NFATC3: variants seen among roughly 807,000 people sequenced by gnomAD.
NFATC3 encodes the protein nuclear factor of activated T-cells, cytoplasmic 3.
A neutral mutation model predicts 98.6 loss-of-function variants in NFATC3; 46 were observed. That is an observed-to-expected ratio of 0.47 (90% CI 0.37 to 0.60). The LOEUF (loss-of-function observed/expected upper bound fraction) is 0.60, where lower values mean the gene tolerates loss of function less well. Ranked by LOEUF, NFATC3 falls within the 20% of genes least tolerant of loss-of-function variation. The pLI is 0.00. For missense variants in NFATC3, 1,256 were observed against 1,295.5 expected (o/e 0.97, Z 0.47); for synonymous variants, 512 against 472.2 (o/e 1.08, Z -1.09).
intron 1 of NFATC3, among the ~76,000 whole-genome samples, chr16:68,111,122 TTC>T (rs1324090699): frequency 6.6e-6 from 1 of 152,224 alleles, no homozygotes; most frequent in African/African-American, 2.4e-5. Flanking sequence ...AGAATGTATA[TTC>T]TGTTTTTGGG....
chr16:68,087,232 A>T (rs2034432665), intron 1 of NFATC3, among the ~76,000 whole-genome samples: 1 of 152,220 alleles, frequency 6.6e-6, no homozygotes, highest in Non-Finnish European at 1.5e-5. Flanking sequence ...TTGGGCACAA[A>T]CTTGATTAGA....
At chr16:68,126,936 C>T (rs1255370277) in intron 3 of NFATC3, among the ~76,000 whole-genome samples, 5 of 152,048 alleles carry the variant, frequency 3.3e-5, no homozygotes, top group Admixed American at 6.6e-5. Context: ...TAATACAGGC[C>T]GGGCACGGTG....
intron 9 of NFATC3, among the ~76,000 whole-genome samples, chr16:68,210,897 T>G (rs1235893459): frequency 6.6e-6 from 1 of 152,096 alleles, no homozygotes; most frequent in Non-Finnish European, 1.5e-5. Flanking sequence ...TTCTTCTGCT[T>G]CAGCCTCCCG....
intron 9 of NFATC3, among the ~76,000 whole-genome samples, chr16:68,217,433 T>G (rs527414796): frequency 9.7e-4 from 118 of 121,036 alleles, no homozygotes; most frequent in Middle Eastern, 8.1e-3. Context: ...CACTCCAGCC[T>G]GGGCAACAGA....
chr16:68,226,391 T>C lies in NFATC3; in HGVS notation c.3148T>C (p.Ser1050Pro). ...GAGAGACATGTCCCAGATTTCTGTT[T>C]CCCAAGGAGCAGGGGTGAGCAGGCA... The part of the protein sequence containing the change: ...IGRDMSQISV[S>P]QGAGVSRQAP... Residue 1050 changes from serine to proline, a missense_variant, in exon 10 of 10, where the codon TCC becomes CCC. Ser to Pro is a moderately conservative substitution (Grantham distance 74, BLOSUM62 -1). Coordinates refer to ENST00000346183, the MANE Select transcript of NFATC3 (RefSeq NM_173165.3). 6.4e-7 allele frequency: 1 copy of C among 1,568,650 alleles called. No individual in the cohort carries two copies. The highest frequency in any genetic ancestry group is 8.6e-7 in the Non-Finnish European group (1 of 1,162,812).
chr16:68,143,162 G>A (rs2037845339), intron 3 of NFATC3, among the ~76,000 whole-genome samples: 1 of 149,600 alleles, frequency 6.7e-6, no homozygotes, highest in African/African-American at 2.5e-5. Flanking sequence ...GGAGGTTGAG[G>A]CTGCAGTGAG....
chr16:68,192,506 C>A (rs925571042), intron 9 of NFATC3, among the ~76,000 whole-genome samples: 1 of 151,782 alleles, frequency 6.6e-6, no homozygotes, highest in Non-Finnish European at 1.5e-5. Context: ...ATAAATATTG[C>A]TGAATGCTGT....
In NFATC3 at chr16:68,126,440, G is replaced by A; in HGVS notation, c.1239-8G>A. 1.9e-6 allele frequency: 3 copies of A among 1,603,756 alleles called. No homozygotes were observed. The highest frequency in any genetic ancestry group is 2.6e-6 in the Non-Finnish European group (3 of 1,172,956). On this transcript the variant is annotated splice_polypyrimidine_tract_variant and splice_region_variant and intron_variant, in intron 2 of 9. Coordinates refer to ENST00000346183, the MANE Select transcript of NFATC3 (RefSeq NM_173165.3). ...GGTGACATGCATCTTTGTGTGTTTT[G>A]TTTGTAGCACATCTTCATTACCTCC...
At chr16:68,206,096 T>C (rs758445407) in intron 9 of NFATC3, among the ~76,000 whole-genome samples, 6 of 152,128 alleles carry the variant, frequency 3.9e-5, no homozygotes, top group Non-Finnish European at 7.4e-5. Context: ...CTCATTGAGG[T>C]ATGAGTTGAA....
At chr16:68,110,807 C>G (rs1204880796) in intron 1 of NFATC3, among the ~76,000 whole-genome samples, 1 of 152,098 alleles carries the variant, frequency 6.6e-6, no homozygotes, top group African/African-American at 2.4e-5. Context: ...ATAAATTTCC[C>G]TCTTAACACT....
Position 68,226,501 on chromosome 16 carries a change from C to T in NFATC3, c.*30C>T, listed in dbSNP as rs764715475. The T allele has an allele frequency of 1.4e-6, 2 of 1,460,370 alleles. No homozygotes were observed. The highest frequency in any genetic ancestry group is 3.0e-5 in the South Asian group (2 of 66,982). The allele number at this position is 1,460,370 out of a possible 1,614,324, so 90.5% of individuals were successfully genotyped here. A position where few individuals can be genotyped will look rare whatever the true frequency, so the allele number is the denominator to read the frequency against. ...GCTTACTGCAGCCTTGTGTCCACCA[C>T]CAACTTCTCAGCATGTTTCTCTCCT... On this transcript the variant is annotated 3_prime_UTR_variant, in exon 10 of 10. Coordinates refer to ENST00000346183, the MANE Select transcript of NFATC3 (RefSeq NM_173165.3).
intron 3 of NFATC3, among the ~76,000 whole-genome samples, chr16:68,145,133 CTTTT>C (rs111691786): frequency 3.6e-5 from 5 of 139,796 alleles, no homozygotes; most frequent in African/African-American, 7.8e-5. Context: ...TTCTCTCTCT[CTTTT>C]TTTTTTTTTT....
At chr16:68,176,080 C>G (rs2039687917) in intron 6 of NFATC3, among the ~76,000 whole-genome samples, 1 of 151,902 alleles carries the variant, frequency 6.6e-6, no homozygotes, top group Non-Finnish European at 1.5e-5. Context: ...CGTGTTCAAG[C>G]AATTCTCCTG....
intron 6 of NFATC3, among the ~76,000 whole-genome samples, chr16:68,177,719 A>G (rs1708579886): frequency 6.6e-6 from 1 of 151,868 alleles, no homozygotes; most frequent in East Asian, 1.9e-4. Flanking sequence ...ATCTTTTTCT[A>G]CTGGATCCTT....
intron 6 of NFATC3, among the ~76,000 whole-genome samples, chr16:68,178,796 A>G (rs539526870): frequency 6.6e-6 from 1 of 152,312 alleles, no homozygotes; most frequent in Admixed American, 6.5e-5. Context: ...GAATTCATTT[A>G]TTTGGCCCAG....
chr16:68,093,755 A>T (rs1012285234), intron 1 of NFATC3, among the ~76,000 whole-genome samples: 1 of 152,182 alleles, frequency 6.6e-6, no homozygotes, highest in Non-Finnish European at 1.5e-5. Flanking sequence ...AGAAAGTGGA[A>T]TTAGCTGGTA....
intron 3 of NFATC3, among the ~76,000 whole-genome samples, chr16:68,131,301 A>G (rs1406357025): frequency 6.7e-6 from 1 of 148,226 alleles, no homozygotes; most frequent in African/African-American, 2.6e-5. Context: ...TTTTTGAGAC[A>G]GAGTCTCACT....
chr16:68,098,561 A>G (rs2035170175), intron 1 of NFATC3, among the ~76,000 whole-genome samples: 1 of 152,096 alleles, frequency 6.6e-6, no homozygotes. Context: ...CAGCGTCCCA[A>G]AGTGTTGGGA....
intron 1 of NFATC3, among the ~76,000 whole-genome samples, chr16:68,104,734 C>T (rs2035560195): frequency 6.7e-6 from 1 of 149,824 alleles, no homozygotes; most frequent in African/African-American, 2.5e-5. Flanking sequence ...TCACTGCAAG[C>T]TCCGCCTCCT....
Sources: allele counts gnomAD v4.1 joint callset (sites outside exome capture counted in the v4.1 genomes callset), GRCh38; gene constraint gnomAD v4.1.1; transcripts MANE v1.5; gene names NCBI Gene and HGNC (gene_info 2026-07-23, HGNC 2026-07-21).